Variants in LRMDA observed in about 807,000 individuals in gnomAD.
The protein encoded by LRMDA is leucine rich melanocyte differentiation associated.
LRMDA carries 18 observed loss-of-function variants against 29.8 expected under a neutral mutation model. The ratio of observed to expected loss-of-function variants is 0.60; its 90% CI spans 0.42 to 0.90. LRMDA has a LOEUF of 0.90. Among genes scored for constraint, LRMDA ranks in the 40% least tolerant of loss-of-function variants. The pLI is 0.00. For missense variants in LRMDA, 273 were observed against 273.9 expected (o/e 1.00, Z 0.02); for synonymous variants, 125 against 109.4 (o/e 1.14, Z -0.89).
chr10:75,488,281 T>G (rs1326091546), intron 2 of LRMDA, among the ~76,000 whole-genome samples: 4 of 152,214 alleles, frequency 2.6e-5, no homozygotes, highest in Admixed American at 6.5e-5. Context: ...AAAAAAGAAC[T>G]TTTCCTTTCT....
chr10:76,433,593 CAA>C (rs1185165891), intron 6 of LRMDA: 1 of 152,170 alleles, frequency 6.6e-6, no homozygotes, highest in Non-Finnish European at 1.5e-5. Context: ...TGTGAAAGAC[CAA>C]AGACTCTGGT....
chr10:76,446,303 A>T (rs1842353623), intron 6 of LRMDA, among the ~76,000 whole-genome samples: 1 of 152,104 alleles, frequency 6.6e-6, no homozygotes, highest in Non-Finnish European at 1.5e-5. Flanking sequence ...TCATTTCCAA[A>T]TTTTTGCTAT....
intron 6 of LRMDA, among the ~76,000 whole-genome samples, chr10:76,373,287 C>G (rs550035598): frequency 2.0e-5 from 3 of 152,138 alleles, no homozygotes; most frequent in Non-Finnish European, 4.4e-5. Flanking sequence ...AGATGAGTAT[C>G]TGTTTTGGAA....
chr10:75,878,612 G>A (rs983360811), intron 2 of LRMDA, among the ~76,000 whole-genome samples: 15 of 152,098 alleles, frequency 9.9e-5, no homozygotes, highest in Non-Finnish European at 1.5e-5. Context: ...GGGGCATGGT[G>A]GGCCAGAGTG....
rs954266948 is a variant in LRMDA at position 76,558,884 on chromosome 10, T to C, written c.*1596T>C. ...AATCAGTTCTTTAGACAAGTTAACA[T>C]TAAAATCCTCAAAACCATGAAAAAT... On this transcript the variant is annotated 3_prime_UTR_variant, in exon 7 of 7. Coordinates refer to ENST00000611255, the MANE Select transcript of LRMDA (RefSeq NM_001305581.2). 3.9e-5 allele frequency: 6 copies of C among 152,218 alleles called. No individual in the cohort carries two copies. Among genetic ancestry groups the C allele is most frequent in the African/African-American group, 1.4e-4 (6 of 41,450 alleles). 9.4% of individuals were successfully genotyped at this position (152,218 alleles called of 1,614,324 possible). A position where few individuals can be genotyped will look rare whatever the true frequency, so the allele number is the denominator to read the frequency against.
At chr10:75,940,673 T>C (rs1846374833) in intron 2 of LRMDA, among the ~76,000 whole-genome samples, 1 of 152,144 alleles carries the variant, frequency 6.6e-6, no homozygotes, top group African/African-American at 2.4e-5. Flanking sequence ...TAATATCTTA[T>C]CCCTGATATA....
chr10:76,142,315 C>T (rs769606699), intron 5 of LRMDA, among the ~76,000 whole-genome samples: 3 of 151,980 alleles, frequency 2.0e-5, no homozygotes, highest in Non-Finnish European at 2.9e-5. Context: ...AATGAATGAA[C>T]CAACCCAAGA....
At chr10:75,987,601 G>C (rs1466669553) in intron 2 of LRMDA, among the ~76,000 whole-genome samples, 1 of 152,186 alleles carries the variant, frequency 6.6e-6, no homozygotes, top group African/African-American at 2.4e-5. Flanking sequence ...GACTGCCACT[G>C]GCTGCCATAA....
intron 6 of LRMDA, among the ~76,000 whole-genome samples, chr10:76,355,079 G>T (rs1461553322): frequency 2.0e-5 from 3 of 152,056 alleles, no homozygotes; most frequent in Non-Finnish European, 4.4e-5. Flanking sequence ...GCTTTATATT[G>T]TGTTGTGTGC....
At chr10:76,489,648 A>T (rs1842813913) in intron 6 of LRMDA, among the ~76,000 whole-genome samples, 1 of 151,814 alleles carries the variant, frequency 6.6e-6, no homozygotes, top group Non-Finnish European at 1.5e-5. Context: ...ATAGGAGCTT[A>T]TACACTCCCT....
intron 5 of LRMDA, among the ~76,000 whole-genome samples, chr10:76,169,865 G>A (rs1011393390): frequency 1.3e-5 from 2 of 152,180 alleles, no homozygotes; most frequent in African/African-American, 2.4e-5. Context: ...ATTTGGGATA[G>A]GACAGCTGTT....
intron 6 of LRMDA, chr10:76,438,639 T>C (rs944697766): frequency 6.6e-6 from 1 of 152,178 alleles, no homozygotes; most frequent in Non-Finnish European, 1.5e-5. Context: ...GTCATGGAAA[T>C]GATATTTGTG....
At chr10:75,894,441 A>AGGTT (rs1487317567) in intron 2 of LRMDA, among the ~76,000 whole-genome samples, 1 of 152,206 alleles carries the variant, frequency 6.6e-6, no homozygotes, top group African/African-American at 2.4e-5. Context: ...TTGGGCATTT[A>AGGTT]GGTTGGTTCC....
intron 2 of LRMDA, among the ~76,000 whole-genome samples, chr10:75,984,207 G>A (rs995141345): frequency 1.4e-5 from 2 of 148,100 alleles, no homozygotes; most frequent in African/African-American, 2.7e-5. Flanking sequence ...AGTACTGGCC[G>A]TATGGCTGGA....
intron 2 of LRMDA, among the ~76,000 whole-genome samples, chr10:76,018,724 T>TGTGC (rs141934042): frequency 7.4e-5 from 2 of 26,904 alleles, no homozygotes; most frequent in African/African-American, 1.9e-4. Context: ...TGCGCCACCA[T>TGTGC]GTGCAGCTGA....
Position 76,123,358 on chromosome 10 carries a change from AAT to A in LRMDA, c.516+64576_516+64577del, listed in dbSNP as rs1554849009. Reference sequence around the variant, plus strand: ...TATTTCTACCAAAAAAAAAAAAAAAAATTAGCCAGGTATGGCGGCTCACACCT... The same window carrying A: ...TATTTCTACCAAAAAAAAAAAAAAAATAGCCAGGTATGGCGGCTCACACCT... On this transcript the variant is annotated intron_variant, in intron 5 of 6. Transcript: ENST00000611255. 3.0e-5 allele frequency among the ~76,000 whole-genome samples: 4 copies of A among 132,288 alleles called. No homozygotes were observed. The East Asian group carries it at 9.7e-4, about 32-fold the overall frequency. 86.8% of individuals were successfully genotyped at this position (132,288 alleles called of 152,430 possible).
chr10:75,879,226 G>A (rs1440745475), intron 2 of LRMDA, among the ~76,000 whole-genome samples: 1 of 152,198 alleles, frequency 6.6e-6, no homozygotes, highest in Non-Finnish European at 1.5e-5. Flanking sequence ...GGGCAGCGAG[G>A]CCCAGAGTGT....
chr10:76,305,977 C>T (rs1433149878), intron 5 of LRMDA, among the ~76,000 whole-genome samples: 1 of 152,162 alleles, frequency 6.6e-6, no homozygotes, highest in African/African-American at 2.4e-5. Flanking sequence ...CCCTTGGCTC[C>T]AATCTACTAT....
chr10:75,460,540 T>A (rs192257653), intron 2 of LRMDA, among the ~76,000 whole-genome samples: 6 of 152,332 alleles, frequency 3.9e-5, no homozygotes, highest in African/African-American at 1.4e-4. Flanking sequence ...AAATAATTTT[T>A]TACTTTTTAA....
Sources: gnomAD v4.1 joint callset for allele counts (sites outside exome capture counted in the v4.1 genomes callset) on GRCh38, gnomAD v4.1.1 for gene constraint, MANE v1.5 for transcripts, NCBI Gene and HGNC (gene_info 2026-07-23, HGNC 2026-07-21) for gene names.